The following DLG1 variants were observed in gnomAD, a reference collection of about 807,000 sequenced individuals.
DLG1 encodes discs large MAGUK scaffold protein 1, also known as disks large homolog 1.
In DLG1, 42 loss-of-function variants were observed where a neutral mutation model predicts 123.4. The observed-to-expected ratio is 0.34, with a 90% CI of 0.27 to 0.44. The LOEUF (loss-of-function observed/expected upper bound fraction) is 0.44, where lower values mean the gene tolerates loss of function less well. Among genes scored for constraint, DLG1 ranks in the 20% least tolerant of loss-of-function variants. The pLI, the probability that DLG1 is intolerant of heterozygous loss-of-function variation, is 1.00. For missense variants in DLG1, 942 were observed against 1,082.6 expected (o/e 0.87, Z 1.82); for synonymous variants, 317 against 356.2 (o/e 0.89, Z 1.24).
chr3:197,111,384 A>G (rs1769912537), intron 13 of DLG1, among the ~76,000 whole-genome samples: 1 of 152,198 alleles, frequency 6.6e-6, no homozygotes, highest in South Asian at 2.1e-4. Context: ...AACATCTATT[A>G]CTGAACTCTA....
Position 197,042,891 on chromosome 3 carries a change from A to ATAT in DLG1, c.*1731_*1732insATA, listed in dbSNP as rs1553852944. ...AAGAAAATGTTAGCTTGCAAAATATATTTTTTCTTTCAAAATTCAAGACAC... is the reference window on the plus strand; with the variant it reads ...AAGAAAATGTTAGCTTGCAAAATATATATTTTTTTCTTTCAAAATTCAAGACAC... On this transcript the variant is annotated 3_prime_UTR_variant, in exon 25 of 25. Coordinates refer to ENST00000667157, the MANE Select transcript of DLG1 (RefSeq NM_001366207.1). 1 of 152,010 alleles carries ATAT rather than the reference A, an allele frequency of 6.6e-6. No homozygotes were observed. The highest frequency in any genetic ancestry group is 2.4e-5 in the African/African-American group (1 of 41,384). The allele number at this position is 152,010 out of a possible 1,614,324, so 9.4% of individuals were successfully genotyped here. A position where few individuals can be genotyped will look rare whatever the true frequency, so the allele number is the denominator to read the frequency against.
chr3:197,158,621 CAAAACTCCATTTCAAAAAAAAAAAAAAAA>C (rs1194591341), intron 5 of DLG1, among the ~76,000 whole-genome samples: 1 of 92,558 alleles, frequency 1.1e-5, no homozygotes, highest in Non-Finnish European at 2.1e-5. Flanking sequence ...GTAACAAGAG[CAAAACTCCATTTCAAAAAAAAAAAAAAAA>C]AAAAAAAGCC....
chr3:197,101,817 G>A (rs1288508429), intron 14 of DLG1, among the ~76,000 whole-genome samples: 2 of 148,008 alleles, frequency 1.4e-5, no homozygotes, highest in Non-Finnish European at 3.0e-5. Context: ...TTTGAGACGG[G>A]GTCTCACTCT....
At chr3:197,217,480 T>A (rs1392843827) in intron 4 of DLG1, among the ~76,000 whole-genome samples, 1 of 152,222 alleles carries the variant, frequency 6.6e-6, no homozygotes, top group Non-Finnish European at 1.5e-5. Flanking sequence ...GGATATATAT[T>A]TCATGTTCAT....
intron 18 of DLG1, among the ~76,000 whole-genome samples, chr3:197,075,562 C>A (rs192325638): frequency 2.7e-4 from 41 of 151,880 alleles, no homozygotes; most frequent in Non-Finnish European, 5.3e-4. Flanking sequence ...TTAAAAGTTC[C>A]TAGCAAAAGT....
At chr3:197,116,182 T>A in intron 12 of DLG1, 99 bp from the exon 13 acceptor site, 2 of 905,470 alleles carry the variant, frequency 2.2e-6, no homozygotes, top group Non-Finnish European at 3.3e-6. Context: ...GTTATCAAAC[T>A]ACAAAGAAAG....
At chr3:197,201,525 G>A (rs1362042182) in intron 4 of DLG1, among the ~76,000 whole-genome samples, 1 of 152,088 alleles carries the variant, frequency 6.6e-6, no homozygotes, top group Non-Finnish European at 1.5e-5. Flanking sequence ...TAATGATCTG[G>A]CCAAACACCC....
chr3:197,199,085 A>T (rs1315203402), intron 4 of DLG1, among the ~76,000 whole-genome samples: 1 of 152,214 alleles, frequency 6.6e-6, no homozygotes, highest in Non-Finnish European at 1.5e-5. Flanking sequence ...AATTATCATG[A>T]TAAATTGATG....
intron 11 of DLG1, among the ~76,000 whole-genome samples, chr3:197,124,122 T>C (rs1246463238): frequency 6.6e-6 from 1 of 152,038 alleles, no homozygotes; most frequent in Non-Finnish European, 1.5e-5. Context: ...TCCTAGACAC[T>C]TGGAAGGCTG....
rs1721283662 is a variant in DLG1 at position 197,043,552 on chromosome 3, AAAAG to A, written c.*1067_*1070del. The A allele has an allele frequency of 6.6e-6, 1 of 151,948 alleles. No individual in the cohort carries two copies. The highest frequency in any genetic ancestry group is 2.4e-5 in the African/African-American group (1 of 41,406). The allele number at this position is 151,948 out of a possible 1,614,324, so 9.4% of individuals were successfully genotyped here. A position where few individuals can be genotyped will look rare whatever the true frequency, so the allele number is the denominator to read the frequency against. ...AAACAAAAAGTTAGGAGTAGGTGGC[AAAAG>A]AAACAAAATATATTTTAAATATATA... is the stretch of plus-strand genomic sequence containing the variant. On this transcript the variant is annotated 3_prime_UTR_variant, in exon 25 of 25. Transcript: ENST00000667157.
rs1312895321 is a variant in DLG1 at position 197,067,958 on chromosome 3, A to G, written c.2048-1204T>C. Among the ~76,000 whole-genome samples the G allele has an allele frequency of 2.0e-5, 3 of 152,196 alleles. No individual in the cohort carries two copies. The East Asian group carries it at 5.8e-4, about 29-fold the overall frequency. ...TAACCCAAGTGGTTCAATGAAAGCA[A>G]TCAATATTGGATAATGTATTTGAAG... On this transcript the variant is annotated intron_variant, in intron 19 of 24. Transcript: ENST00000667157.
chr3:197,285,811 T>C (rs1441425954), intron 3 of DLG1, among the ~76,000 whole-genome samples: 1 of 152,168 alleles, frequency 6.6e-6, no homozygotes, highest in East Asian at 1.9e-4. Context: ...GGAAGGCACT[T>C]TTGGCATTTC....
At chr3:197,133,096 G>C (rs1362928024) in intron 10 of DLG1, among the ~76,000 whole-genome samples, 1 of 152,186 alleles carries the variant, frequency 6.6e-6, no homozygotes, top group South Asian at 2.1e-4. Context: ...ATGCATCCTG[G>C]TATTCACACC....
intron 5 of DLG1, among the ~76,000 whole-genome samples, chr3:197,162,540 T>C (rs984272610): frequency 6.6e-6 from 1 of 152,196 alleles, no homozygotes; most frequent in African/African-American, 2.4e-5. Context: ...CTTATCTTCA[T>C]TCATAAATGC....
At chr3:197,187,896 A>C (rs1430601022) in intron 5 of DLG1, among the ~76,000 whole-genome samples, 3 of 152,156 alleles carry the variant, frequency 2.0e-5, no homozygotes, top group Non-Finnish European at 4.4e-5. Flanking sequence ...TATTCTTCCC[A>C]ACACTGGCAA....
In DLG1 at chr3:197,260,264, T is replaced by A. The variant is rs1290729256; in HGVS notation, c.318+22415A>T. 9.1e-6 allele frequency: 4 copies of A among 437,960 alleles called. No homozygotes were observed. The Admixed American group carries it at 1.0e-4, about 11-fold the overall frequency. 27.1% of individuals were successfully genotyped at this position (437,960 alleles called of 1,614,324 possible). ...AAAAGCATATTATATCTTACCTTTGTGGTTACAATGCACAGGCAATCCATT... is the reference window on the plus strand; with the variant it reads ...AAAAGCATATTATATCTTACCTTTGAGGTTACAATGCACAGGCAATCCATT... On this transcript the variant is annotated intron_variant, in intron 4 of 24. Transcript: ENST00000667157.
chr3:197,046,955 C>T (rs190121462), intron 24 of DLG1, among the ~76,000 whole-genome samples: 51 of 131,636 alleles, frequency 3.9e-4, no homozygotes, highest in Middle Eastern at 3.9e-3. Flanking sequence ...AGTGTTTTTA[C>T]TCTTAAAAAA....
chr3:197,195,643 T>C (rs943987954), intron 4 of DLG1, among the ~76,000 whole-genome samples: 2 of 152,098 alleles, frequency 1.3e-5, no homozygotes, highest in African/African-American at 2.4e-5. Context: ...AACAAAATAC[T>C]ATTATGTTCC....
intron 3 of DLG1, among the ~76,000 whole-genome samples, chr3:197,292,702 TAACTA>T (rs1775540033): frequency 6.6e-6 from 1 of 152,190 alleles, no homozygotes; most frequent in African/African-American, 2.4e-5. Context: ...AATGAACTGG[TAACTA>T]AACTCATAAA....
Sources: gnomAD v4.1 joint callset for allele counts (sites outside exome capture counted in the v4.1 genomes callset) on GRCh38, gnomAD v4.1.1 for gene constraint, MANE v1.5 for transcripts, NCBI Gene and HGNC (gene_info 2026-07-23, HGNC 2026-07-21) for gene names.